The following NTM variants were observed in gnomAD, a reference collection of about 807,000 sequenced individuals.
NTM encodes the protein neurotrimin.
NTM carries 13 observed loss-of-function variants against 42.1 expected under a neutral mutation model. The ratio of observed to expected loss-of-function variants is 0.31; its 90% CI spans 0.20 to 0.49. NTM has a LOEUF of 0.49. Ranked by LOEUF, NTM falls within the 20% of genes least tolerant of loss-of-function variation. NTM has a pLI of 0.99. For missense variants in NTM, 373 were observed against 452.8 expected (o/e 0.82, Z 1.60); for synonymous variants, 187 against 179.2 (o/e 1.04, Z -0.35).
In NTM at chr11:131,929,298, A is replaced by G. The variant is rs2058320797; in HGVS notation, c.167+17650A>G. ...CGAGGCAGATACAAAGGTGCTGAGG[A>G]GGGATCATCCTTGGCCTGAACCAAC... On this transcript the variant is annotated intron_variant, in intron 2 of 8. Transcript: ENST00000683400. Among the ~76,000 whole-genome samples, 4 of 151,262 alleles carry G rather than the reference A, an allele frequency of 2.6e-5. No individual in the cohort carries two copies. The South Asian group carries it at 8.4e-4, about 32-fold the overall frequency.
chr11:132,085,841 C>T (rs984273400), intron 2 of NTM, among the ~76,000 whole-genome samples: 1 of 151,918 alleles, frequency 6.6e-6, no homozygotes, highest in Non-Finnish European at 1.5e-5. Flanking sequence ...GTTTGTAGGC[C>T]CTGATAAACA....
intron 1 of NTM, among the ~76,000 whole-genome samples, chr11:131,417,409 A>G (rs1268007953): frequency 6.6e-6 from 1 of 152,060 alleles, no homozygotes; most frequent in Non-Finnish European, 1.5e-5. Context: ...ATATTAAGAG[A>G]CTTGTTATTT....
intron 1 of NTM, among the ~76,000 whole-genome samples, chr11:131,808,435 G>A (rs1045403885): frequency 3.3e-5 from 5 of 152,134 alleles, no homozygotes; most frequent in Admixed American, 6.6e-5. Flanking sequence ...TCTAAGATGG[G>A]CCACACACAC....
At chr11:131,964,583 A>C (rs2062597703) in intron 2 of NTM, among the ~76,000 whole-genome samples, 1 of 152,084 alleles carries the variant, frequency 6.6e-6, no homozygotes, top group African/African-American at 2.4e-5. Context: ...AAAAAAATAA[A>C]TATTCAAAGC....
intron 2 of NTM, among the ~76,000 whole-genome samples, chr11:131,926,333 C>T (rs1234333445): frequency 6.6e-6 from 1 of 152,046 alleles, no homozygotes; most frequent in East Asian, 1.9e-4. Flanking sequence ...AAACAAACAA[C>T]GCATCACATG....
At chr11:131,741,710 A>G (rs2081224137) in intron 1 of NTM, among the ~76,000 whole-genome samples, 1 of 152,244 alleles carries the variant, frequency 6.6e-6, no homozygotes, top group African/African-American at 2.4e-5. Context: ...CTATATTTTT[A>G]CATAATTTGT....
At chr11:132,175,626 C>T (rs529221699) in intron 3 of NTM, among the ~76,000 whole-genome samples, 11 of 151,736 alleles carry the variant, frequency 7.2e-5, no homozygotes, top group Admixed American at 4.6e-4. Context: ...CTCGCTCAGT[C>T]GCCCAGGCTG....
In NTM at chr11:131,676,437, C is replaced by CTG. The variant is rs367970023; in HGVS notation, c.83-235111_83-235110dup. 3.2e-3 allele frequency among the ~76,000 whole-genome samples: 479 copies of CTG among 151,000 alleles called. 6 individuals are homozygous for CTG. The highest frequency in any genetic ancestry group is 9.4e-3 in the African/African-American group (390 of 41,280). ...TTTCTAGCACTGAGGGTGTGTGTATCTGTGTGTGTGTGTGTGTCTGTGCCT... is the reference window on the plus strand; with the variant it reads ...TTTCTAGCACTGAGGGTGTGTGTATCTGTGTGTGTGTGTGTGTGTCTGTGCCT... On this transcript the variant is annotated intron_variant, in intron 1 of 8. Transcript: ENST00000683400.
At chr11:131,889,903 C>T (rs1030407791) in intron 1 of NTM, among the ~76,000 whole-genome samples, 2 of 152,116 alleles carry the variant, frequency 1.3e-5, no homozygotes, top group African/African-American at 4.8e-5. Flanking sequence ...CAGGAACCCT[C>T]TCCCTCCACC....
intron 2 of NTM, among the ~76,000 whole-genome samples, chr11:131,983,587 G>A (rs1188561856): frequency 6.6e-6 from 1 of 151,992 alleles, no homozygotes; most frequent in African/African-American, 2.4e-5. Flanking sequence ...CGTTGGCTGG[G>A]CTAGTCTTGA....
chr11:131,586,155 G>C (rs2058838498), intron 1 of NTM, among the ~76,000 whole-genome samples: 1 of 151,996 alleles, frequency 6.6e-6, no homozygotes, highest in Non-Finnish European at 1.5e-5. Flanking sequence ...ACCCAGGCTA[G>C]AGTGCAGTGG....
chr11:131,528,432 T>C (rs532044628), intron 1 of NTM, among the ~76,000 whole-genome samples: 4 of 152,350 alleles, frequency 2.6e-5, no homozygotes, highest in Admixed American at 2.0e-4. Context: ...TCTTCTTATC[T>C]GCATTTTATA....
chr11:132,058,289 G>A (rs189013566), intron 2 of NTM, among the ~76,000 whole-genome samples: 31 of 152,222 alleles, frequency 2.0e-4, no homozygotes, highest in Admixed American at 7.8e-4. Context: ...TGCTGGTTTC[G>A]GTAAAAATGG....
intron 1 of NTM, chr11:131,794,428 T>A (rs147478595): frequency 1.0e-6 from 1 of 962,828 alleles, no homozygotes; most frequent in Non-Finnish European, 1.2e-6. Flanking sequence ...GTAGTTTCTG[T>A]GTAAGCGAAT....
At chr11:131,426,383 G>A (rs916430234) in intron 1 of NTM, among the ~76,000 whole-genome samples, 1 of 152,096 alleles carries the variant, frequency 6.6e-6, no homozygotes, top group Non-Finnish European at 1.5e-5. Flanking sequence ...ACAAGGGCAC[G>A]ACCCTGAGCT....
intron 1 of NTM, among the ~76,000 whole-genome samples, chr11:131,434,512 T>C (rs1948958415): frequency 6.6e-6 from 1 of 152,242 alleles, no homozygotes. Context: ...TCATTGTGGT[T>C]TTGATTTGCA....
chr11:132,237,297 C>T (rs183359324), intron 4 of NTM, among the ~76,000 whole-genome samples: 299 of 152,254 alleles, frequency 2.0e-3, no homozygotes, highest in Non-Finnish European at 2.7e-3. Context: ...GGTGGACTTA[C>T]GCTCTCGGCT....
At chr11:131,660,514 G>A in intron 1 of NTM, 1 of 457,540 alleles carries the variant, frequency 2.2e-6, no homozygotes, top group Non-Finnish European at 4.4e-6. Context: ...GCACCAGCCG[G>A]CACTGACCCT....
At chr11:131,899,029 G>C (rs936744573) in intron 1 of NTM, among the ~76,000 whole-genome samples, 2 of 152,192 alleles carry the variant, frequency 1.3e-5, no homozygotes, top group African/African-American at 4.8e-5. Context: ...ACACGGGGAT[G>C]CATTGAGGTG....
Sources: allele counts gnomAD v4.1 joint callset (sites outside exome capture counted in the v4.1 genomes callset), GRCh38; gene constraint gnomAD v4.1.1; transcripts MANE v1.5; gene names NCBI Gene and HGNC (gene_info 2026-07-23, HGNC 2026-07-21).